The following PLCL1 variants were observed in gnomAD, a reference collection of about 807,000 sequenced individuals.
PLCL1 encodes the protein phospholipase C like 1 (inactive), also known as inactive phospholipase C-like protein 1.
A neutral mutation model predicts 84.4 loss-of-function variants in PLCL1; 41 were observed. The observed-to-expected ratio is 0.49, with a 90% CI of 0.38 to 0.63. The LOEUF (loss-of-function observed/expected upper bound fraction) is 0.63. Among genes scored for constraint, PLCL1 ranks in the 30% least tolerant of loss-of-function variants. The pLI is 0.00. For missense variants in PLCL1, 1,206 were observed against 1,367.8 expected, an observed-to-expected ratio of 0.88 and a Z score of 1.87; for synonymous variants, 490 against 488.3, an observed-to-expected ratio of 1.00 and a Z score of -0.05.
chr2:198,007,338 C>A (rs779056202), intron 1 of PLCL1, among the ~76,000 whole-genome samples: 2 of 152,022 alleles, frequency 1.3e-5, no homozygotes, highest in African/African-American at 2.4e-5. Flanking sequence ...ACCCCACCCC[C>A]CTCTTGTTTG....
At chr2:197,839,867 C>T (rs1212655540) in intron 1 of PLCL1, among the ~76,000 whole-genome samples, 1 of 152,180 alleles carries the variant, frequency 6.6e-6, no homozygotes, top group East Asian at 1.9e-4. Flanking sequence ...TTAGTATGTT[C>T]TAAAGCTTCC....
intron 1 of PLCL1, among the ~76,000 whole-genome samples, chr2:197,929,977 CACTG>C: frequency 6.6e-6 from 1 of 152,272 alleles, no homozygotes; most frequent in Non-Finnish European, 1.5e-5. Flanking sequence ...ACAGATGTCT[CACTG>C]AGTATCAAAT....
At chr2:197,945,860 A>G (rs1403119954) in intron 1 of PLCL1, among the ~76,000 whole-genome samples, 1 of 152,310 alleles carries the variant, frequency 6.6e-6, no homozygotes, top group African/African-American at 2.4e-5. Context: ...CTGTCCAGTT[A>G]TTAAAATTTA....
chr2:198,088,783 T>G, intron 2 of PLCL1, 75 bp from the exon 3 acceptor site: 1 of 859,224 alleles, frequency 1.2e-6, no homozygotes. Flanking sequence ...GAATGTACTT[T>G]TCTGTAAACC....
At chr2:197,824,070 A>G (rs1690876145) in intron 1 of PLCL1, among the ~76,000 whole-genome samples, 1 of 152,122 alleles carries the variant, frequency 6.6e-6, no homozygotes, top group Non-Finnish European at 1.5e-5. Context: ...TGGTTTTGAT[A>G]TATTTGTGTC....
chr2:197,935,393 TGTG>T (rs1290291332), intron 1 of PLCL1, among the ~76,000 whole-genome samples: 1 of 151,986 alleles, frequency 6.6e-6, no homozygotes, highest in Non-Finnish European at 1.5e-5. Flanking sequence ...ATAAAGAAAA[TGTG>T]GTGCATAGAC....
intron 1 of PLCL1, among the ~76,000 whole-genome samples, chr2:197,952,021 C>T (rs1372666817): frequency 1.3e-5 from 2 of 152,108 alleles, no homozygotes; most frequent in East Asian, 3.9e-4. Context: ...ATTAATTTAC[C>T]AGGACTGATA....
At chr2:198,078,134 A>C (rs1692625146) in intron 1 of PLCL1, among the ~76,000 whole-genome samples, 1 of 152,192 alleles carries the variant, frequency 6.6e-6, no homozygotes, top group East Asian at 1.9e-4. Context: ...GTCCGTATCA[A>C]ATCCCTTTAG....
intron 1 of PLCL1, among the ~76,000 whole-genome samples, chr2:197,986,728 TC>T (rs1303462833): frequency 6.6e-6 from 1 of 152,216 alleles, no homozygotes; most frequent in Non-Finnish European, 1.5e-5. Context: ...CTTTCATTTT[TC>T]ATAATAAGTA....
intron 1 of PLCL1, among the ~76,000 whole-genome samples, chr2:197,832,650 T>G (rs1461656526): frequency 6.6e-6 from 1 of 152,234 alleles, no homozygotes; most frequent in East Asian, 1.9e-4. Flanking sequence ...TAACTCATTT[T>G]ATGAGGCCAG....
At chr2:198,013,814 G>A (rs1574246544) in intron 1 of PLCL1, among the ~76,000 whole-genome samples, 1 of 152,106 alleles carries the variant, frequency 6.6e-6, no homozygotes, top group East Asian at 1.9e-4. Context: ...ACAATATTTT[G>A]TGTGAACATT....
intron 1 of PLCL1, among the ~76,000 whole-genome samples, chr2:197,998,175 A>ATGTGTGTGTGTG (rs58332002): frequency 0.016 from 2,153 of 131,912 alleles, 22 homozygotes; most frequent in Middle Eastern, 0.031. Context: ...GAATGGAGCT[A>ATGTGTGTGTGTG]TGTGTGTGTG....
At chr2:197,994,243 G>C (rs573606522) in intron 1 of PLCL1, among the ~76,000 whole-genome samples, 18 of 152,206 alleles carry the variant, frequency 1.2e-4, no homozygotes, top group Admixed American at 5.9e-4. Flanking sequence ...CCTCAGTAGA[G>C]ATGAGGAGAA....
At chr2:197,977,756 T>G (rs995423294) in intron 1 of PLCL1, among the ~76,000 whole-genome samples, 1 of 152,204 alleles carries the variant, frequency 6.6e-6, no homozygotes, top group Non-Finnish European at 1.5e-5. Context: ...TATTGTAGCA[T>G]TTGGGATCCA....
chr2:198,061,702 C>A (rs1349817258), intron 1 of PLCL1, among the ~76,000 whole-genome samples: 1 of 152,160 alleles, frequency 6.6e-6, no homozygotes, highest in African/African-American at 2.4e-5. Flanking sequence ...CGGGTTCAAG[C>A]AATTCTTCTG....
rs1026900116 is a variant in PLCL1, at chr2:197,910,945, A to G, written c.240+105606A>G. ...TGGAAGCTTTATATTTTGATATAAAATTAATGGACAGGATGTTTATTTAAA... is the reference window on the plus strand; with the variant it reads ...TGGAAGCTTTATATTTTGATATAAAGTTAATGGACAGGATGTTTATTTAAA... On this transcript the variant is annotated intron_variant, in intron 1 of 5. Coordinates refer to ENST00000428675, the MANE Select transcript of PLCL1 (RefSeq NM_006226.4). 4.6e-5 allele frequency among the ~76,000 whole-genome samples: 7 copies of G among 152,220 alleles called. No individual in the cohort carries two copies. In the South Asian group the frequency reaches 1.4e-3, roughly 32 times the overall value.
intron 1 of PLCL1, among the ~76,000 whole-genome samples, chr2:198,039,722 G>T (rs1691616761): frequency 6.6e-6 from 1 of 152,154 alleles, no homozygotes; most frequent in Admixed American, 6.6e-5. Context: ...TATTACATTA[G>T]GAAGAGTAGC....
At chr2:197,897,188 T>TCTTCTC (rs1688164636) in intron 1 of PLCL1, among the ~76,000 whole-genome samples, 3 of 41,124 alleles carry the variant, frequency 7.3e-5, no homozygotes, top group African/African-American at 2.9e-4. Context: ...TTCTTCTTCT[T>TCTTCTC]CTCCTTCTCC....
intron 5 of PLCL1, among the ~76,000 whole-genome samples, chr2:198,117,389 T>C (rs1693770806): frequency 6.6e-6 from 1 of 150,812 alleles, no homozygotes; most frequent in African/African-American, 2.4e-5. Context: ...AGCAAAGATA[T>C]ATAGAAAGGG....
Sources: allele counts gnomAD v4.1 joint callset (sites outside exome capture counted in the v4.1 genomes callset), GRCh38; gene constraint gnomAD v4.1.1; transcripts MANE v1.5; gene names NCBI Gene and HGNC (gene_info 2026-07-23, HGNC 2026-07-21).